Variants in CBLB observed in about 807,000 individuals in gnomAD.
The protein encoded by CBLB is E3 ubiquitin-protein ligase CBL-B.
In CBLB, 31 loss-of-function variants were observed where a neutral mutation model predicts 104.9. That is an observed-to-expected ratio of 0.30 (90% CI 0.22 to 0.40). The LOEUF (loss-of-function observed/expected upper bound fraction) is 0.40. Ranked by LOEUF, CBLB falls within the 10% of genes least tolerant of loss-of-function variation. CBLB has a pLI of 1.00. For synonymous variants in CBLB, 440 were observed against 422.6 expected, an observed-to-expected ratio of 1.04 and a Z score of -0.51; for missense variants, 1,062 against 1,214.6, an observed-to-expected ratio of 0.87 and a Z score of 1.87.
chr3:105,721,729 A>G (rs570177894), intron 9 of CBLB, among the ~76,000 whole-genome samples: 54 of 152,280 alleles, frequency 3.5e-4, no homozygotes, highest in Admixed American at 1.3e-3. Context: ...AGATAACAAA[A>G]CCAAGATTTA....
chr3:105,841,666 G>A (rs2089569124), intron 3 of CBLB, among the ~76,000 whole-genome samples: 1 of 151,698 alleles, frequency 6.6e-6, no homozygotes, highest in Non-Finnish European at 1.5e-5. Flanking sequence ...TGTTAGCCAG[G>A]ATGGTCTCGA....
At chr3:105,757,258 T>C (rs1170793493) in intron 4 of CBLB, among the ~76,000 whole-genome samples, 3 of 152,200 alleles carry the variant, frequency 2.0e-5, no homozygotes, top group African/African-American at 7.2e-5. Flanking sequence ...AGGTTAATTG[T>C]GGTACAGCTA....
rs371201484 is a variant in CBLB, at chr3:105,741,507, T to C, written c.846-876A>G. On this transcript the variant is annotated intron_variant, in intron 6 of 18. Transcript: ENST00000394030. ...GCCTCCCAGGTTCACGCTATTCTCC[T>C]GCTTCAGCCTCCCGAGTAGCTGGGA... Among the ~76,000 whole-genome samples the C allele has an allele frequency of 9.2e-5, 14 of 152,288 alleles. No homozygotes were observed. The South Asian group carries it at 2.9e-3, about 32-fold the overall frequency.
intron 12 of CBLB, among the ~76,000 whole-genome samples, chr3:105,700,422 C>G (rs1375223331): frequency 1.3e-5 from 2 of 151,846 alleles, no homozygotes; most frequent in African/African-American, 2.4e-5. Context: ...TCTTCTAACA[C>G]TCTTCCCAAG....
At chr3:105,764,817 T>C (rs1317918885) in intron 4 of CBLB, among the ~76,000 whole-genome samples, 1 of 152,158 alleles carries the variant, frequency 6.6e-6, no homozygotes, top group Non-Finnish European at 1.5e-5. Context: ...AGTGAACACA[T>C]GAATGATAAG....
chr3:105,673,088 A>ATTT (rs2065241463), intron 17 of CBLB: 1 of 119,866 alleles, frequency 8.3e-6, no homozygotes, highest in African/African-American at 3.1e-5. Flanking sequence ...TTTTTTTTTG[A>ATTT]GAGAGCGTCT....
intron 3 of CBLB, among the ~76,000 whole-genome samples, chr3:105,793,484 C>CAAAA: frequency 8.4e-6 from 1 of 118,590 alleles, no homozygotes; most frequent in Admixed American, 8.7e-5. Context: ...AAATGTTTAA[C>CAAAA]AAAAAAAAAA....
chr3:105,670,562 G>A (rs2064962483), intron 17 of CBLB: 2 of 537,472 alleles, frequency 3.7e-6, no homozygotes, highest in Non-Finnish European at 6.6e-6. Context: ...TTTATTTCCA[G>A]ATAATAAAGA....
intron 3 of CBLB, among the ~76,000 whole-genome samples, chr3:105,804,859 A>G (rs2153025716): frequency 6.6e-6 from 1 of 152,248 alleles, no homozygotes; most frequent in East Asian, 1.9e-4. Flanking sequence ...ATAGTAGAAC[A>G]GCCTTCCTTT....
chr3:105,736,958 T>A (rs1029677459), intron 8 of CBLB, among the ~76,000 whole-genome samples: 1 of 152,078 alleles, frequency 6.6e-6, no homozygotes, highest in African/African-American at 2.4e-5. Flanking sequence ...TAAATGCCAA[T>A]ACTATATGGA....
chr3:105,798,849 C>A (rs185049220), intron 3 of CBLB, among the ~76,000 whole-genome samples: 11 of 152,230 alleles, frequency 7.2e-5, no homozygotes, highest in Admixed American at 4.6e-4. Flanking sequence ...TAACTGCCTG[C>A]CTTATATGTG....
At chr3:105,680,210 T>G (rs1024240831) in intron 16 of CBLB, among the ~76,000 whole-genome samples, 2 of 152,140 alleles carry the variant, frequency 1.3e-5, no homozygotes, top group Non-Finnish European at 2.9e-5. Context: ...GCTCAAAAAT[T>G]TATTCATCAA....
At chr3:105,745,712 TCACTTTATGAATAC>T (rs1233203766) in intron 6 of CBLB, among the ~76,000 whole-genome samples, 191 bp downstream of exon 6, 1 of 152,060 alleles carries the variant, frequency 6.6e-6, no homozygotes, top group Non-Finnish European at 1.5e-5. Flanking sequence ...ATATCCCCTT[TCACTTTATGAATAC>T]CAAGTTTCAG....
rs574435169 is a variant in CBLB at position 105,834,428 on chromosome 3, G to A, written c.419+18986C>T. Among the ~76,000 whole-genome samples the A allele has an allele frequency of 1.7e-3, 254 of 152,148 alleles. No homozygotes were observed. In the Middle Eastern group the frequency reaches 0.024, roughly 14 times the overall value. On this transcript the variant is annotated intron_variant, in intron 3 of 18. Transcript: ENST00000394030. ...TCCCAGCACTTTGGGAGGCCGAGGC[G>A]GGTGGATCACGAGGTCAGGAGATGG...
At chr3:105,703,652 G>C (rs1559886669) in intron 11 of CBLB, among the ~76,000 whole-genome samples, 1 of 152,088 alleles carries the variant, frequency 6.6e-6, no homozygotes, top group Non-Finnish European at 1.5e-5. Flanking sequence ...CTATAAAAAT[G>C]AGCGTAAAAT....
intron 10 of CBLB, among the ~76,000 whole-genome samples, chr3:105,718,727 G>T (rs2072301823): frequency 6.6e-6 from 1 of 152,176 alleles, no homozygotes; most frequent in African/African-American, 2.4e-5. Context: ...CTCAGCGGCG[G>T]TAAGTATCAT....
intron 18 of CBLB, among the ~76,000 whole-genome samples, chr3:105,662,951 T>C (rs2063933984): frequency 6.6e-6 from 1 of 152,234 alleles, no homozygotes; most frequent in South Asian, 2.1e-4. Context: ...GGAGAGTTAC[T>C]ACTGTTACTA....
chr3:105,846,398 AGAC>A (rs2090262315), intron 3 of CBLB, among the ~76,000 whole-genome samples: 1 of 152,090 alleles, frequency 6.6e-6, no homozygotes, highest in South Asian at 2.1e-4. Flanking sequence ...TATTTATAAA[AGAC>A]AAACCTTCTT....
intron 4 of CBLB, among the ~76,000 whole-genome samples, chr3:105,756,161 A>T (rs2077063162): frequency 6.6e-6 from 1 of 152,212 alleles, no homozygotes; most frequent in Non-Finnish European, 1.5e-5. Flanking sequence ...TTAAATGTAT[A>T]TAATCGTAGA....
Sources: allele counts gnomAD v4.1 joint callset (sites outside exome capture counted in the v4.1 genomes callset), GRCh38; gene constraint gnomAD v4.1.1; transcripts MANE v1.5; gene names NCBI Gene and HGNC (gene_info 2026-07-23, HGNC 2026-07-21).